CSRP1: variants seen among roughly 807,000 people sequenced by gnomAD.
CSRP1 encodes the protein cysteine and glycine-rich protein 1.
CSRP1 carries 16 observed loss-of-function variants against 25.4 expected under a neutral mutation model. The observed-to-expected ratio is 0.63, with a 90% CI of 0.43 to 0.96. The LOEUF (loss-of-function observed/expected upper bound fraction) is 0.96, where lower values mean the gene tolerates loss of function less well. Ranked by LOEUF, CSRP1 falls within the 40% of genes least tolerant of loss-of-function variation. CSRP1 has a pLI of 0.00. For missense variants in CSRP1, 212 were observed against 243.6 expected (o/e 0.87, Z 0.86); for synonymous variants, 97 against 95.3 (o/e 1.02, Z -0.10).
At chr1:201,486,301 T>C (rs938217193) in intron 4 of CSRP1, 3 of 975,328 alleles carry the variant, frequency 3.1e-6, no homozygotes, top group Non-Finnish European at 2.4e-6. Flanking sequence ...CCAGTTCCCA[T>C]CAACAGCTGG....
chr1:201,502,539 G>C (rs1039366904), intron 1 of CSRP1, among the ~76,000 whole-genome samples: 1 of 152,166 alleles, frequency 6.6e-6, no homozygotes, highest in Admixed American at 6.5e-5. Context: ...CATGGAGATG[G>C]GGCAGGCTTG....
At chr1:201,501,776 T>C (rs896442576) in intron 1 of CSRP1, among the ~76,000 whole-genome samples, 137 of 152,204 alleles carry the variant, frequency 9.0e-4, no homozygotes, top group Middle Eastern at 6.8e-3. Context: ...GCGGATCACT[T>C]GAGGTCAGGA....
At chr1:201,497,441 A>G (rs79286728) in intron 1 of CSRP1, among the ~76,000 whole-genome samples, 3,977 of 151,808 alleles carry the variant, frequency 0.026, 179 homozygotes, top group African/African-American at 0.091. Flanking sequence ...GCTTTTGCAA[A>G]ATCAGATTTA....
chr1:201,485,046 G>C (rs1167110294), intron 5 of CSRP1, among the ~76,000 whole-genome samples: 1 of 151,920 alleles, frequency 6.6e-6, no homozygotes, highest in African/African-American at 2.4e-5. Context: ...CATTGGACTG[G>C]GAGTTAGGAA....
chr1:201,492,389 C>T (rs182853554), intron 2 of CSRP1: 3 of 152,464 alleles, frequency 2.0e-5, no homozygotes, highest in South Asian at 2.1e-4. Flanking sequence ...CATCGTGGCC[C>T]TCTGCCCCTC....
rs504667 is a variant in CSRP1 at position 201,490,271 on chromosome 1, G to A, written c.186C>T (p.Tyr62=). 4.4e-3 allele frequency: 7,181 copies of A among 1,614,130 alleles called. 241 individuals carry two copies. The African/African-American group carries it at 0.082, about 18-fold the overall frequency. The change falls in exon 3 of 6, where the codon TAC becomes TAT. Residue 62 remains tyrosine, a synonymous_variant. Transcript: ENST00000340006. ...HGEEIYCKSC[Y]GKKYGPKGYG... ...AGCCTTTGGGCCCATACTTCTTGCC[G>A]TAGCAGGACTTGCAGTAAATCTCCT...
chr1:201,498,506 C>A (rs2102413302), intron 1 of CSRP1, among the ~76,000 whole-genome samples: 1 of 152,330 alleles, frequency 6.6e-6, no homozygotes, highest in East Asian at 1.9e-4. Flanking sequence ...CGGGATGTGG[C>A]AACGAGAGCC....
intron 1 of CSRP1, among the ~76,000 whole-genome samples, chr1:201,504,022 C>T (rs1664742823): frequency 6.6e-6 from 1 of 152,132 alleles, no homozygotes; most frequent in Non-Finnish European, 1.5e-5. Context: ...AAGATATCTT[C>T]CTTAAATAGT....
At chr1:201,501,951 C>T (rs192286066) in intron 1 of CSRP1, among the ~76,000 whole-genome samples, 1 of 151,944 alleles carries the variant, frequency 6.6e-6, no homozygotes, top group African/African-American at 2.4e-5. Context: ...GCGATCTTGC[C>T]ACTGCACTCC....
At chr1:201,494,854 G>GCA (rs1331247115) in intron 2 of CSRP1, among the ~76,000 whole-genome samples, 6 of 152,294 alleles carry the variant, frequency 3.9e-5, no homozygotes, top group East Asian at 3.9e-4. Context: ...GTGCACGTGT[G>GCA]TGCGCATGTG....
intron 1 of CSRP1, among the ~76,000 whole-genome samples, chr1:201,499,321 C>T (rs1664598340): frequency 6.6e-6 from 1 of 152,208 alleles, no homozygotes; most frequent in African/African-American, 2.4e-5. Context: ...TGGGGAGATG[C>T]CCCTTCCCCA....
At position 201,501,861 on chromosome 1, in the gene CSRP1, C is replaced by T. The variant is rs151275313; in HGVS notation, c.-2+5209G>A. ...TACAAAAATTAGCCGGGTATGGTGG[C>T]GGGCACCTGTAATCCCAGCTACTCC... is the stretch of plus-strand genomic sequence containing the variant. On this transcript the variant is annotated intron_variant, in intron 1 of 5. Transcript: ENST00000340006. Among the ~76,000 whole-genome samples, 454 of 152,030 alleles carry T rather than the reference C, an allele frequency of 3.0e-3. 2 individuals are homozygous for T. Among genetic ancestry groups the T allele is most frequent in the African/African-American group, 0.01 (435 of 41,462 alleles).
Position 201,484,498 on chromosome 1 carries a change from T to C in CSRP1, c.*215A>G, listed in dbSNP as rs533981831. The C allele has an allele frequency of 1.7e-6, 1 of 583,058 alleles. No individual in the cohort carries two copies. Among genetic ancestry groups the C allele is most frequent in the Non-Finnish European group, 3.1e-6 (1 of 325,562 alleles). 36.1% of individuals were successfully genotyped at this position (583,058 alleles called of 1,614,324 possible). The stretch of plus-strand genomic sequence containing the variant: ...CCAAAACACTGAGGTCTCCTACTGG[T>C]GATGGTGTCAGATCCCAGGCCTGGG... On this transcript the variant is annotated 3_prime_UTR_variant, in exon 6 of 6. Coordinates refer to ENST00000340006, the MANE Select transcript of CSRP1 (RefSeq NM_004078.3).
chr1:201,495,298 G>A (rs1664477055), intron 2 of CSRP1, among the ~76,000 whole-genome samples: 1 of 152,172 alleles, frequency 6.6e-6, no homozygotes, highest in African/African-American at 2.4e-5. Flanking sequence ...TACTCAGGAG[G>A]CTGAGGTGAG....
chr1:201,496,643 TAC>T (rs1464389759), intron 1 of CSRP1: 1 of 325,004 alleles, frequency 3.1e-6, no homozygotes, highest in Non-Finnish European at 5.8e-6. Flanking sequence ...TGCCTACCCC[TAC>T]ACACGTCAAC....
At chr1:201,490,005 A>G in intron 3 of CSRP1, 171 bp downstream of exon 3, 1 of 613,448 alleles carries the variant, frequency 1.6e-6, no homozygotes, top group Non-Finnish European at 2.8e-6. Flanking sequence ...CTGCATCCCC[A>G]GCTCCTGCAG....
chr1:201,493,111 G>A (rs1664395414), intron 2 of CSRP1, among the ~76,000 whole-genome samples: 1 of 152,200 alleles, frequency 6.6e-6, no homozygotes, highest in Non-Finnish European at 1.5e-5. Context: ...CCCAGCCACG[G>A]AGCTGAGCTT....
intron 1 of CSRP1, among the ~76,000 whole-genome samples, chr1:201,497,392 G>A (rs1664548017): frequency 6.8e-6 from 1 of 147,978 alleles, no homozygotes; most frequent in East Asian, 2.0e-4. Flanking sequence ...AAGGCAGGAG[G>A]TAGGCACACA....
intron 1 of CSRP1, among the ~76,000 whole-genome samples, chr1:201,504,820 C>T (rs916641023): frequency 7.3e-5 from 11 of 151,166 alleles, no homozygotes; most frequent in Admixed American, 5.9e-4. Context: ...AACACCAGGC[C>T]GGGCGCAGTG....
Sources: gnomAD v4.1 joint callset for allele counts (sites outside exome capture counted in the v4.1 genomes callset) on GRCh38, gnomAD v4.1.1 for gene constraint, MANE v1.5 for transcripts, NCBI Gene and HGNC (gene_info 2026-07-23, HGNC 2026-07-21) for gene names.